The following SLC25A36 variants were observed in gnomAD, a reference collection of about 807,000 sequenced individuals.
The protein encoded by SLC25A36 is epididymis secretory sperm binding protein.
In SLC25A36, 24 loss-of-function variants were observed where a neutral mutation model predicts 35.3. That is an observed-to-expected ratio of 0.68 (90% CI 0.49 to 0.96). SLC25A36 has a LOEUF of 0.96. SLC25A36 is among the 40% of genes least tolerant of loss of function. The probability of loss-of-function intolerance (pLI) is 0.00; values close to 1 mark genes in which losing one functional copy is unlikely to be tolerated. For missense variants in SLC25A36, 294 were observed against 381.1 expected (o/e 0.77, Z 1.90); for synonymous variants, 141 against 132.2 (o/e 1.07, Z -0.46).
At chr3:140,966,689 C>G in intron 4 of SLC25A36, 1 of 338,872 alleles carries the variant, frequency 3.0e-6, no homozygotes, top group Admixed American at 3.9e-5. Context: ...CAGAATTGAT[C>G]TTCTTTTAGG....
In SLC25A36 at chr3:140,976,618, T is replaced by G; in HGVS notation, c.*165T>G. The G allele has an allele frequency of 2.4e-6, 1 of 418,892 alleles. No homozygotes were observed. The highest frequency in any genetic ancestry group is 3.9e-6 in the Non-Finnish European group (1 of 257,956). 25.9% of individuals were successfully genotyped at this position (418,892 alleles called of 1,614,324 possible). A position where few individuals can be genotyped will look rare whatever the true frequency, so the allele number is the denominator to read the frequency against. ...AATTATAGTAATCACACCACATTAC[T>G]TGGCCTTTCGGTAATGTGAAAAAAA... is the stretch of plus-strand genomic sequence containing the variant. On this transcript the variant is annotated 3_prime_UTR_variant, in exon 7 of 7. Transcript: ENST00000324194.
chr3:140,944,232 G>A (rs550859908), intron 1 of SLC25A36, among the ~76,000 whole-genome samples: 2 of 152,292 alleles, frequency 1.3e-5, no homozygotes, highest in East Asian at 3.9e-4. Context: ...TTGTTTTTCT[G>A]ATAAGTAGAA....
At position 140,966,560 on chromosome 3, in the gene SLC25A36, AG is replaced by A. The variant is rs1195941171; in HGVS notation, c.385+3335del. ...ATTTATTAAGTAGGCTGATTGTTAA[AG>A]GATAGAAATTGTGTTTTCATCTCCT... is the stretch of plus-strand genomic sequence containing the variant. On this transcript the variant is annotated intron_variant, in intron 4 of 6. Coordinates refer to ENST00000324194, the MANE Select transcript of SLC25A36 (RefSeq NM_001104647.3). 1.1e-4 allele frequency: 20 copies of A among 185,064 alleles called. No individual in the cohort carries two copies. The East Asian group carries it at 2.5e-3, about 23-fold the overall frequency. The allele number at this position is 185,064 out of a possible 1,614,324, so 11.5% of individuals were successfully genotyped here.
chr3:140,955,535 C>T (rs915340008), intron 1 of SLC25A36, among the ~76,000 whole-genome samples: 1 of 152,196 alleles, frequency 6.6e-6, no homozygotes, highest in Non-Finnish European at 1.5e-5. Flanking sequence ...CTATATCTTA[C>T]ATACCTTTTA....
intron 4 of SLC25A36, among the ~76,000 whole-genome samples, chr3:140,969,555 A>T: frequency 6.6e-6 from 1 of 151,884 alleles, no homozygotes; most frequent in Admixed American, 6.6e-5. Context: ...TGGAGCATCC[A>T]TTTGTATAAC....
intron 2 of SLC25A36, among the ~76,000 whole-genome samples, chr3:140,957,856 T>C (rs1239839702): frequency 2.6e-5 from 4 of 152,226 alleles, no homozygotes; most frequent in Non-Finnish European, 5.9e-5. Flanking sequence ...CTTAAAATTC[T>C]TCTTTTGACC....
At chr3:140,969,541 T>C (rs1934848591) in intron 4 of SLC25A36, among the ~76,000 whole-genome samples, 1 of 151,888 alleles carries the variant, frequency 6.6e-6, no homozygotes, top group African/African-American at 2.4e-5. Flanking sequence ...TAAATAGATT[T>C]AATTGGAGCA....
chr3:140,973,886 A>G lies in SLC25A36; in HGVS notation c.623A>G (p.Lys208Arg), dbSNP rs1934970226. ...ESIKQKLLEY[K>R]TASTMENDEE... ...ATAAAACAAAAACTACTGGAATATA[A>G]GACTGCTTCTACAATGGAAAATGAT... Residue 208 changes from lysine (K) to arginine (R), a missense_variant, in exon 6 of 7, where the codon AAG (lysine) becomes AGG (arginine). Around this residue, in one of 2 missense-constraint regions of SLC25A36, gnomAD observed 109 missense variants for 179.7 expected, o/e 0.61. Coordinates refer to ENST00000324194, the MANE Select transcript of SLC25A36 (RefSeq NM_001104647.3). 6.2e-7 allele frequency: 1 copy of G among 1,613,386 alleles called. No individual in the cohort carries two copies. Among genetic ancestry groups the G allele is most frequent in the African/African-American group, 1.3e-5 (1 of 74,900 alleles).
At chr3:140,975,122 T>TTTTTTTTTTTTTA (rs1935008128) in intron 6 of SLC25A36, among the ~76,000 whole-genome samples, 1 of 117,642 alleles carries the variant, frequency 8.5e-6, no homozygotes, top group Non-Finnish European at 1.7e-5. Flanking sequence ...TTTTTTTTTT[T>TTTTTTTTTTTTTA]TTTTTGATAG....
chr3:140,962,364 A>G (rs1163494421), intron 3 of SLC25A36, among the ~76,000 whole-genome samples: 1 of 152,216 alleles, frequency 6.6e-6, no homozygotes, highest in Non-Finnish European at 1.5e-5. Flanking sequence ...CAAATAATTC[A>G]AAGCATGGGA....
intron 3 of SLC25A36, 98 bp from the exon 4 acceptor site, chr3:140,963,020 CTTTATGGTT>C: frequency 1.6e-6 from 1 of 637,614 alleles, no homozygotes; most frequent in Non-Finnish European, 2.5e-6. Flanking sequence ...GTGGCTAGGA[CTTTATGGTT>C]TTTAAATTTC....
At chr3:140,973,409 CAG>C (rs1331347438) in intron 5 of SLC25A36, among the ~76,000 whole-genome samples, 1 of 152,116 alleles carries the variant, frequency 6.6e-6, no homozygotes, top group African/African-American at 2.4e-5. Context: ...GAGCTGCAGT[CAG>C]GGTGTATAGT....
At chr3:140,962,743 T>C (rs1934661468) in intron 3 of SLC25A36, among the ~76,000 whole-genome samples, 1 of 152,120 alleles carries the variant, frequency 6.6e-6, no homozygotes, top group Non-Finnish European at 1.5e-5. Context: ...ATTCATTCAT[T>C]TAGTTTCTAA....
At chr3:140,946,459 C>G (rs1432638845) in intron 1 of SLC25A36, among the ~76,000 whole-genome samples, 1 of 152,106 alleles carries the variant, frequency 6.6e-6, no homozygotes, top group African/African-American at 2.4e-5. Flanking sequence ...GCTAATTGGT[C>G]TCTGCTAGAC....
chr3:140,976,107 A>G (rs543871782), intron 6 of SLC25A36, among the ~76,000 whole-genome samples, 153 bp from the exon 7 acceptor site: 22 of 152,344 alleles, frequency 1.4e-4, no homozygotes, highest in African/African-American at 4.8e-4. Context: ...TGATGTTACT[A>G]TAATGTGACT....
chr3:140,958,958 TTTTG>T (rs1176475850), intron 2 of SLC25A36, among the ~76,000 whole-genome samples: 7 of 126,138 alleles, frequency 5.5e-5, no homozygotes, highest in East Asian at 4.8e-4. Context: ...AAAAACAATG[TTTTG>T]TGTGTGTGTG....
chr3:140,944,437 G>A (rs1934109481), intron 1 of SLC25A36, among the ~76,000 whole-genome samples: 1 of 151,486 alleles, frequency 6.6e-6, no homozygotes, highest in Non-Finnish European at 1.5e-5. Flanking sequence ...TCAGTAGTTA[G>A]GTTAATTGAG....
rs142389196 is a variant in SLC25A36, at chr3:140,976,360, T to C, written c.843T>C (p.Tyr281=). Residue 281 remains tyrosine, a synonymous_variant, in exon 7 of 7, where the codon TAT becomes TAC. Transcript: ENST00000324194. ...LVQEEGYGSL[Y]RGLTTHLVRQ... is the part of the protein sequence containing the mutation. ...AAGAAGAAGGTTATGGGTCTCTTTA[T>C]CGTGGTCTGACAACTCATCTAGTGA... The C allele has an allele frequency of 6.4e-4, 1,035 of 1,613,950 alleles. No homozygotes were observed. The highest frequency in any genetic ancestry group is 4.9e-4 in the Non-Finnish European group (584 of 1,179,924).
intron 1 of SLC25A36, among the ~76,000 whole-genome samples, chr3:140,947,833 G>C (rs887657951): frequency 6.6e-6 from 1 of 152,164 alleles, no homozygotes; most frequent in Non-Finnish European, 1.5e-5. Context: ...ATTGCTTCTT[G>C]TCTAAACACT....
Sources: gnomAD v4.1 joint callset for allele counts (sites outside exome capture counted in the v4.1 genomes callset) on GRCh38, gnomAD v4.1.1 for gene constraint, gnomAD v4.1.1 regional missense constraint, MANE v1.5 for transcripts, NCBI Gene and HGNC (gene_info 2026-07-23, HGNC 2026-07-21) for gene names.